KIAA1217: variants seen among roughly 807,000 people sequenced by gnomAD.
KIAA1217 encodes the protein KIAA1217, also known as sickle tail protein homolog.
Under a neutral mutation model 163.9 loss-of-function variants are expected in KIAA1217, and 88 were observed. That is an observed-to-expected ratio of 0.54 (90% CI 0.45 to 0.64). KIAA1217 has a LOEUF of 0.64. Among genes scored for constraint, KIAA1217 ranks in the 30% least tolerant of loss-of-function variants. The pLI is 0.00. For missense variants in KIAA1217, 2,372 were observed against 2,475.0 expected (o/e 0.96, Z 0.88); for synonymous variants, 903 against 923.1 (o/e 0.98, Z 0.39).
intron 5 of KIAA1217, among the ~76,000 whole-genome samples, chr10:24,456,008 C>G (rs2061750831): frequency 6.6e-6 from 1 of 152,126 alleles, no homozygotes; most frequent in Non-Finnish European, 1.5e-5. Context: ...ACCTTAGTCC[C>G]CCAAGTTGCT....
chr10:23,890,575 G>A (rs1841375510), intron 1 of KIAA1217, among the ~76,000 whole-genome samples: 1 of 151,668 alleles, frequency 6.6e-6, no homozygotes, highest in African/African-American at 2.4e-5. Context: ...TAGTGTTATC[G>A]ATTTCTAATT....
intron 6 of KIAA1217, among the ~76,000 whole-genome samples, chr10:24,475,439 G>A (rs1158202377): frequency 6.6e-6 from 1 of 152,108 alleles, no homozygotes; most frequent in Non-Finnish European, 1.5e-5. Flanking sequence ...TTATGAAAGG[G>A]CAATCCCTTC....
In KIAA1217 at chr10:23,979,104, C is replaced by T. The variant is rs375748087; in HGVS notation, c.-320-28121C>T. 9.9e-5 allele frequency among the ~76,000 whole-genome samples: 15 copies of T among 152,156 alleles called. No individual in the cohort carries two copies. The East Asian group carries it at 1.7e-3, about 18-fold the overall frequency. Reference sequence around the variant, plus strand: ...CTGTGTCTTCTCCTCAAAGACAAGTCTCAAATGAATGACAAAAGGTCTTGA... The same window carrying T: ...CTGTGTCTTCTCCTCAAAGACAAGTTTCAAATGAATGACAAAAGGTCTTGA... On this transcript the variant is annotated intron_variant, in intron 1 of 18. Coordinates refer to the KIAA1217 transcript ENST00000376462.
At position 23,739,335 on chromosome 10, in the gene KIAA1217, T is replaced by C. The variant is rs547651895; in HGVS notation, c.-321+44101T>C. Among the ~76,000 whole-genome samples the C allele has an allele frequency of 7.4e-4, 113 of 152,308 alleles. 3 individuals are homozygous for C. In the South Asian group the frequency reaches 0.016, roughly 22 times the overall value. On this transcript the variant is annotated intron_variant, in intron 1 of 18. Transcript: ENST00000376462. ...ACTAAAAGCCAAGATTTGACCACTA[T>C]GCAATATGAGCATGTAACAAAATTG...
intron 1 of KIAA1217, among the ~76,000 whole-genome samples, chr10:23,766,691 C>T (rs1456973013): frequency 1.3e-5 from 2 of 150,324 alleles, no homozygotes; most frequent in African/African-American, 4.9e-5. Context: ...CGGTTTCAAG[C>T]GATTATTGTG....
intron 2 of KIAA1217, among the ~76,000 whole-genome samples, chr10:24,061,973 G>A (rs12241868): frequency 0.025 from 3,871 of 151,906 alleles, 177 homozygotes; most frequent in African/African-American, 0.087. Context: ...TAAGCTTTCC[G>A]ATTCTTTCTC....
At chr10:23,755,454 A>G (rs961900901) in intron 1 of KIAA1217, among the ~76,000 whole-genome samples, 7 of 152,300 alleles carry the variant, frequency 4.6e-5, no homozygotes, top group African/African-American at 1.4e-4. Flanking sequence ...AAAGTCCCTA[A>G]TATTGCTAAA....
At chr10:23,915,191 C>G (rs548069632) in intron 1 of KIAA1217, among the ~76,000 whole-genome samples, 2 of 152,168 alleles carry the variant, frequency 1.3e-5, no homozygotes, top group East Asian at 3.9e-4. Flanking sequence ...AGAAACAGAA[C>G]AAGCGGTCAA....
chr10:23,799,602 A>G (rs1836375575), intron 1 of KIAA1217, among the ~76,000 whole-genome samples: 1 of 152,222 alleles, frequency 6.6e-6, no homozygotes, highest in Non-Finnish European at 1.5e-5. Context: ...TACCCTTTGC[A>G]TATTCTTCTA....
At chr10:23,705,188 A>T (rs1281740944) in intron 1 of KIAA1217, among the ~76,000 whole-genome samples, 2 of 152,092 alleles carry the variant, frequency 1.3e-5, no homozygotes, top group Non-Finnish European at 2.9e-5. Context: ...TATTTTAGGT[A>T]CAAGTTTCTT....
At chr10:24,195,447 C>T (rs1351934005) in intron 2 of KIAA1217, among the ~76,000 whole-genome samples, 1 of 152,114 alleles carries the variant, frequency 6.6e-6, no homozygotes, top group Admixed American at 6.5e-5. Context: ...GAAAACAGGG[C>T]TTTTGTGGAC....
At chr10:23,963,405 G>A (rs1844905406) in intron 1 of KIAA1217, among the ~76,000 whole-genome samples, 2 of 152,120 alleles carry the variant, frequency 1.3e-5, no homozygotes, top group African/African-American at 4.8e-5. Flanking sequence ...TGAGAATGAT[G>A]GCTTCCAGCT....
chr10:23,784,271 G>A (rs1261280145), intron 1 of KIAA1217, among the ~76,000 whole-genome samples: 1 of 151,968 alleles, frequency 6.6e-6, no homozygotes, highest in Admixed American at 6.6e-5. Flanking sequence ...CTCTTTGCAT[G>A]GAATATTTTT....
At chr10:23,902,650 G>A (rs1207964902) in intron 1 of KIAA1217, among the ~76,000 whole-genome samples, 1 of 152,100 alleles carries the variant, frequency 6.6e-6, no homozygotes, top group Admixed American at 6.6e-5. Context: ...GCTTATACTA[G>A]TCAGTCCAGT....
At chr10:24,493,951 C>T (rs528259866) in intron 6 of KIAA1217, among the ~76,000 whole-genome samples, 9 of 152,190 alleles carry the variant, frequency 5.9e-5, no homozygotes, top group Admixed American at 3.3e-4. Context: ...TGAGCCACCG[C>T]GCCCGGCCGG....
chr10:24,393,730 C>A (rs1591566257), intron 3 of KIAA1217, among the ~76,000 whole-genome samples: 1 of 152,280 alleles, frequency 6.6e-6, no homozygotes, highest in Middle Eastern at 3.4e-3. Context: ...TAGACGTGTA[C>A]AGAGAGAAGA....
intron 9 of KIAA1217, among the ~76,000 whole-genome samples, chr10:24,509,992 A>T (rs191565650): frequency 6.6e-6 from 1 of 152,274 alleles, no homozygotes; most frequent in Admixed American, 6.5e-5. Flanking sequence ...GAGGAAGGAA[A>T]TCTACATATA....
At chr10:24,173,897 C>T (rs2065748280) in intron 2 of KIAA1217, among the ~76,000 whole-genome samples, 1 of 152,260 alleles carries the variant, frequency 6.6e-6, no homozygotes. Flanking sequence ...CAAGCTGCAT[C>T]TCTTTGCCAT....
At chr10:24,428,508 G>A (rs1378612595) in intron 3 of KIAA1217, among the ~76,000 whole-genome samples, 1 of 152,140 alleles carries the variant, frequency 6.6e-6, no homozygotes, top group Non-Finnish European at 1.5e-5. Context: ...TTCAGAATGT[G>A]TCTCTACTGT....
Sources: gnomAD v4.1 joint callset for allele counts (sites outside exome capture counted in the v4.1 genomes callset) on GRCh38, gnomAD v4.1.1 for gene constraint, MANE v1.5 for transcripts, NCBI Gene and HGNC (gene_info 2026-07-23, HGNC 2026-07-21) for gene names.